Variants in OSBPL8 observed in about 807,000 individuals in gnomAD.
The protein encoded by OSBPL8 is oxysterol binding protein like 8.
OSBPL8 carries 59 observed loss-of-function variants against 125.5 expected under a neutral mutation model. The observed-to-expected ratio is 0.47, with a 90% CI of 0.38 to 0.58. The LOEUF (loss-of-function observed/expected upper bound fraction) is 0.58, where lower values mean the gene tolerates loss of function less well. Among genes scored for constraint, OSBPL8 ranks in the 20% least tolerant of loss-of-function variants. The probability of loss-of-function intolerance (pLI) is 0.00; values close to 1 mark genes in which losing one functional copy is unlikely to be tolerated. For missense variants in OSBPL8, 758 were observed against 1,047.8 expected, an observed-to-expected ratio of 0.72 and a Z score of 3.82; for synonymous variants, 330 against 338.9, an observed-to-expected ratio of 0.97 and a Z score of 0.29.
In OSBPL8 at chr12:76,477,925, C is replaced by T. The variant is rs955143430; in HGVS notation, c.42+9585G>A. Among the ~76,000 whole-genome samples, 47 of 151,850 alleles carry T rather than the reference C, an allele frequency of 3.1e-4. 2 individuals carry two copies. The highest frequency in any genetic ancestry group is 1.6e-3 in the Admixed American group (24 of 15,256). ...AATTGAAAACAAAAGAATTCATGGC[C>T]GGGCATGGTGGCTCACACCTGTAAT... On this transcript the variant is annotated intron_variant, in intron 2 of 23. Coordinates refer to ENST00000261183, the MANE Select transcript of OSBPL8 (RefSeq NM_020841.5).
intron 21 of OSBPL8, chr12:76,366,585 G>C (rs1175084085): frequency 4.5e-6 from 2 of 448,438 alleles, no homozygotes; most frequent in Non-Finnish European, 8.9e-6. Flanking sequence ...TGCTAGCTTT[G>C]GGTTTAGTTT....
intron 1 of OSBPL8, among the ~76,000 whole-genome samples, chr12:76,513,424 CAT>C (rs1222637238): frequency 2.6e-5 from 4 of 152,164 alleles, no homozygotes; most frequent in Non-Finnish European, 5.9e-5. Flanking sequence ...TGGAAAGTTC[CAT>C]AGAGGCCTGT....
At position 76,378,476 on chromosome 12, in the gene OSBPL8, T is replaced by C. The variant is rs767456673; in HGVS notation, c.1705A>G (p.Thr569Ala). Reference sequence around the variant, plus strand: ...CCTTTACAATGAGCGTATGGCATTGTCATTACATAATCTTCACCTCTATTC... The same window carrying C: ...CCTTTACAATGAGCGTATGGCATTGCCATTACATAATCTTCACCTCTATTC... ...FLNRGEDYVM[T>A]MPYAHCKGIL... Residue 569 changes from threonine to alanine, a missense_variant, in exon 16 of 24, where the codon ACA (threonine) becomes GCA (alanine). This residue lies in a region of OSBPL8 where 572 missense variants were observed against 762.0 expected (regional missense o/e 0.75). Transcript: ENST00000261183. The C allele has an allele frequency of 6.3e-7, 1 of 1,598,740 alleles. No homozygotes were observed. Among genetic ancestry groups the C allele is most frequent in the Non-Finnish European group, 8.6e-7 (1 of 1,167,778 alleles).
At chr12:76,552,409 G>A (rs1425237429) in intron 1 of OSBPL8, among the ~76,000 whole-genome samples, 1 of 110,128 alleles carries the variant, frequency 9.1e-6, no homozygotes, top group Non-Finnish European at 1.7e-5. Context: ...CTGAGCAACA[G>A]AGCGATACCC....
intron 1 of OSBPL8, among the ~76,000 whole-genome samples, chr12:76,541,144 T>A (rs1950631780): frequency 6.6e-6 from 1 of 152,142 alleles, no homozygotes; most frequent in South Asian, 2.1e-4. Context: ...ACAGTAGCAA[T>A]AGAAAGTATT....
At chr12:76,432,505 C>T (rs2136586504) in intron 4 of OSBPL8, among the ~76,000 whole-genome samples, 1 of 152,188 alleles carries the variant, frequency 6.6e-6, no homozygotes, top group Non-Finnish European at 1.5e-5. Context: ...TGCTTGATCC[C>T]AGGAGTTTAA....
chr12:76,438,108 T>A (rs952145193), intron 4 of OSBPL8, among the ~76,000 whole-genome samples: 8 of 149,868 alleles, frequency 5.3e-5, no homozygotes, highest in Non-Finnish European at 1.0e-4. Context: ...TGCCTCAGCC[T>A]CTCGGGTAGC....
Position 76,559,725 on chromosome 12 carries a change from AG to A in OSBPL8, c.-397del, listed in dbSNP as rs1218479449. 6.6e-6 allele frequency: 1 copy of A among 152,076 alleles called. No individual in the cohort carries two copies. Among genetic ancestry groups the A allele is most frequent in the Admixed American group, 6.5e-5 (1 of 15,280 alleles). 9.4% of individuals were successfully genotyped at this position (152,076 alleles called of 1,614,324 possible). On this transcript the variant is annotated 5_prime_UTR_variant, in exon 1 of 24. The change abolishes the stop of an existing upstream ORF in the 5' untranslated region. Coordinates refer to ENST00000261183, the MANE Select transcript of OSBPL8 (RefSeq NM_020841.5). ...ACACTACAGCCGCCGCCTGGCCAGG[AG>A]CGCGTCGCGGCCTAATGTTGTCATC...
chr12:76,479,112 C>T (rs1877162679), intron 2 of OSBPL8, among the ~76,000 whole-genome samples: 1 of 152,008 alleles, frequency 6.6e-6, no homozygotes, highest in African/African-American at 2.4e-5. Flanking sequence ...TAAATGTCTC[C>T]CTTTAATAGA....
intron 13 of OSBPL8, 100 bp downstream of exon 13, chr12:76,386,479 G>T: frequency 7.7e-7 from 1 of 1,306,466 alleles, no homozygotes; most frequent in Admixed American, 2.5e-5. Flanking sequence ...CGTCAAAGAA[G>T]CCCAGTAATG....
intron 3 of OSBPL8, among the ~76,000 whole-genome samples, chr12:76,458,906 AATCAG>A (rs1192730425): frequency 6.6e-6 from 1 of 152,190 alleles, no homozygotes; most frequent in Non-Finnish European, 1.5e-5. Flanking sequence ...GACTTGCAAT[AATCAG>A]ATAATTGTTT....
At chr12:76,530,976 A>G (rs1190323696) in intron 1 of OSBPL8, among the ~76,000 whole-genome samples, 1 of 152,246 alleles carries the variant, frequency 6.6e-6, no homozygotes, top group African/African-American at 2.4e-5. Context: ...TATTATTTTT[A>G]TTAAATGTTA....
At chr12:76,478,881 C>A (rs548308038) in intron 2 of OSBPL8, among the ~76,000 whole-genome samples, 1 of 151,996 alleles carries the variant, frequency 6.6e-6, no homozygotes, top group African/African-American at 2.4e-5. Context: ...GTCAGGAGAT[C>A]GAGACCATCC....
At chr12:76,516,772 T>C (rs556892327) in intron 1 of OSBPL8, among the ~76,000 whole-genome samples, 4 of 151,812 alleles carry the variant, frequency 2.6e-5, no homozygotes, top group African/African-American at 9.7e-5. Flanking sequence ...CTCAACATTA[T>C]GCCATCAATG....
chr12:76,537,567 T>G (rs1356784239), intron 1 of OSBPL8, among the ~76,000 whole-genome samples: 1 of 152,106 alleles, frequency 6.6e-6, no homozygotes, highest in Non-Finnish European at 1.5e-5. Context: ...ATGAGAGAAA[T>G]CTACAGAAAT....
At chr12:76,394,458 T>C (rs573568869) in intron 9 of OSBPL8, among the ~76,000 whole-genome samples, 187 bp downstream of exon 9, 1 of 152,316 alleles carries the variant, frequency 6.6e-6, no homozygotes, top group East Asian at 1.9e-4. Flanking sequence ...CACACAATGC[T>C]TCCTTTCTAT....
intron 2 of OSBPL8, among the ~76,000 whole-genome samples, chr12:76,464,191 C>T (rs1410822931): frequency 6.6e-6 from 1 of 152,146 alleles, no homozygotes; most frequent in Non-Finnish European, 1.5e-5. Context: ...ACTGCTTGAG[C>T]CCAGGAGTTC....
In OSBPL8 at chr12:76,356,660, C is replaced by T. The variant is rs1363277645; in HGVS notation, c.2503G>A (p.Glu835Lys). The change falls in exon 23 of 24, where the codon GAA (glutamate) becomes AAA (lysine). Residue 835 changes from glutamate (E) to lysine (K), a missense_variant. Transcript: ENST00000261183. ...IELGDIQSSIESIKQTQEEIK... is the reference protein window; with the variant it reads ...IELGDIQSSIKSIKQTQEEIK... ...TCTTCCTGTGTTTGTTTTATAGATT[C>T]GATGGAACTCTGAATGTCTCCCAGT... is the stretch of plus-strand genomic sequence containing the variant. 7 of 1,609,220 alleles carry T rather than the reference C, an allele frequency of 4.3e-6. No homozygotes were observed. The highest frequency in any genetic ancestry group is 2.7e-5 in the African/African-American group (2 of 74,746).
chr12:76,397,600 T>C (rs1286340802), intron 8 of OSBPL8, 94 bp downstream of exon 8: 23 of 1,228,284 alleles, frequency 1.9e-5, no homozygotes, highest in Non-Finnish European at 2.6e-5. Flanking sequence ...TTATAAGTCC[T>C]GGCAGAGGAC....
Sources: allele counts gnomAD v4.1 joint callset (sites outside exome capture counted in the v4.1 genomes callset), GRCh38; gene constraint gnomAD v4.1.1; regional missense constraint gnomAD v4.1.1; transcripts MANE v1.5; gene names NCBI Gene and HGNC (gene_info 2026-07-23, HGNC 2026-07-21).